Variants in PARD3 observed in about 807,000 individuals in gnomAD.
PARD3 encodes the protein par-3 family cell polarity regulator.
Under a neutral mutation model 155.4 loss-of-function variants are expected in PARD3, and 75 were observed. The observed-to-expected ratio is 0.48, with a 90% CI of 0.40 to 0.58. The LOEUF (loss-of-function observed/expected upper bound fraction) is 0.58. Ranked by LOEUF, PARD3 falls within the 20% of genes least tolerant of loss-of-function variation. The pLI, the probability that PARD3 is intolerant of heterozygous loss-of-function variation, is 0.00. For synonymous variants in PARD3, 576 were observed against 610.5 expected (o/e 0.94, Z 0.83); for missense variants, 1,642 against 1,721.7 (o/e 0.95, Z 0.82).
At chr10:34,176,341 A>C (rs1950031264) in intron 22 of PARD3, among the ~76,000 whole-genome samples, 1 of 143,236 alleles carries the variant, frequency 7.0e-6, no homozygotes, top group Non-Finnish European at 1.6e-5. Flanking sequence ...ATGTAACATT[A>C]TTAAGAAAAA....
chr10:34,753,433 A>C (rs1232987581), intron 1 of PARD3, among the ~76,000 whole-genome samples: 1 of 152,196 alleles, frequency 6.6e-6, no homozygotes, highest in Non-Finnish European at 1.5e-5. Context: ...CTAGACCACC[A>C]CAAATGAAGC....
intron 20 of PARD3, among the ~76,000 whole-genome samples, chr10:34,306,607 C>T (rs1313355212): frequency 3.3e-5 from 5 of 152,222 alleles, no homozygotes; most frequent in African/African-American, 9.6e-5. Context: ...TGAAATCGTG[C>T]CGTCGCACTC....
At chr10:34,727,604 G>A (rs553098624) in intron 1 of PARD3, among the ~76,000 whole-genome samples, 1 of 151,998 alleles carries the variant, frequency 6.6e-6, no homozygotes, top group East Asian at 1.9e-4. Flanking sequence ...AAAAAAAACA[G>A]TCCAAGTTTA....
chr10:34,141,035 T>C (rs1437434356), intron 22 of PARD3, among the ~76,000 whole-genome samples: 1 of 152,220 alleles, frequency 6.6e-6, no homozygotes, highest in Non-Finnish European at 1.5e-5. Flanking sequence ...GTTATAGTCT[T>C]TGCATTTTTC....
intron 2 of PARD3, among the ~76,000 whole-genome samples, chr10:34,545,113 G>A (rs560436239): frequency 2.6e-5 from 4 of 152,256 alleles, no homozygotes; most frequent in African/African-American, 4.8e-5. Context: ...CAAAAAATAG[G>A]AAGGGTGTTA....
At chr10:34,261,985 T>C (rs1955051947) in intron 22 of PARD3, among the ~76,000 whole-genome samples, 1 of 152,212 alleles carries the variant, frequency 6.6e-6, no homozygotes, top group African/African-American at 2.4e-5. Context: ...AAATGATAAA[T>C]TATTTCACAG....
chr10:34,606,192 GTGTGTGT>G lies in PARD3; in HGVS notation c.223-89040_223-89034del, dbSNP rs1188357399. ...TGTGTGTGTGTGTGTGTGTGTGTGT[GTGTGTGT>G]GTGTGTGTGTGTAGTTCTGTCCCTT... is the stretch of plus-strand genomic sequence containing the variant. On this transcript the variant is annotated intron_variant, in intron 2 of 24. Coordinates refer to ENST00000374788, the MANE Select transcript of PARD3 (RefSeq NM_001184785.2). Among the ~76,000 whole-genome samples the G allele has an allele frequency of 4.2e-3, 503 of 120,418 alleles. 4 individuals carry two copies. The highest frequency in any genetic ancestry group is 0.02 in the African/African-American group (480 of 23,436). 79.0% of individuals were successfully genotyped at this position (120,418 alleles called of 152,430 possible).
At chr10:34,798,514 G>A (rs1316481530) in intron 1 of PARD3, among the ~76,000 whole-genome samples, 1 of 151,962 alleles carries the variant, frequency 6.6e-6, no homozygotes, top group African/African-American at 2.4e-5. Flanking sequence ...AGACCACCCT[G>A]ACCAACATGG....
intron 22 of PARD3, among the ~76,000 whole-genome samples, chr10:34,132,120 T>C (rs1036083822): frequency 3.3e-5 from 5 of 152,222 alleles, no homozygotes; most frequent in African/African-American, 1.2e-4. Flanking sequence ...GGTTCCTATT[T>C]ATGAGTCATC....
chr10:34,791,608 G>C (rs1841623023), intron 1 of PARD3, among the ~76,000 whole-genome samples: 1 of 152,206 alleles, frequency 6.6e-6, no homozygotes, highest in African/African-American at 2.4e-5. Flanking sequence ...AGGTGTGGTA[G>C]TGAGCGCCTA....
intron 2 of PARD3, among the ~76,000 whole-genome samples, chr10:34,547,046 T>C (rs374030290): frequency 4.6e-5 from 7 of 152,210 alleles, no homozygotes; most frequent in Admixed American, 4.6e-4. Context: ...TGTTTGATAA[T>C]AAGAACACAG....
chr10:34,283,955 G>T (rs1589048987), intron 21 of PARD3, among the ~76,000 whole-genome samples, 180 bp downstream of exon 21: 2 of 141,594 alleles, frequency 1.4e-5, no homozygotes, highest in South Asian at 2.3e-4. Context: ...TACATATAAG[G>T]TTTTTTTTTT....
intron 22 of PARD3, among the ~76,000 whole-genome samples, chr10:34,253,225 T>C (rs143530943): frequency 1.3e-5 from 2 of 152,306 alleles, no homozygotes; most frequent in African/African-American, 2.4e-5. Flanking sequence ...TGTCTGTGTA[T>C]CTGAAATGGC....
chr10:34,444,808 T>A (rs985652210), intron 5 of PARD3, among the ~76,000 whole-genome samples: 2 of 152,208 alleles, frequency 1.3e-5, no homozygotes, highest in African/African-American at 4.8e-5. Context: ...AGGGGCCAGC[T>A]AGCTTAGCAC....
At chr10:34,796,526 T>TA (rs1842260554) in intron 1 of PARD3, among the ~76,000 whole-genome samples, 1 of 152,252 alleles carries the variant, frequency 6.6e-6, no homozygotes, top group African/African-American at 2.4e-5. Context: ...TTAAAATTCT[T>TA]ACATGGACAT....
At chr10:34,180,780 G>C (rs1432679186) in intron 22 of PARD3, among the ~76,000 whole-genome samples, 1 of 152,090 alleles carries the variant, frequency 6.6e-6, no homozygotes, top group Non-Finnish European at 1.5e-5. Flanking sequence ...CTCGTGTCTT[G>C]CTGGGAGGAG....
intron 14 of PARD3, among the ~76,000 whole-genome samples, chr10:34,348,406 C>T (rs1164388801): frequency 6.6e-6 from 1 of 152,034 alleles, no homozygotes; most frequent in African/African-American, 2.4e-5. Flanking sequence ...TTTATTTTTC[C>T]AATTTGACCG....
In PARD3 at chr10:34,696,081, T is replaced by TA. The variant is rs2094166250; in HGVS notation, c.222+236_222+237insT. On this transcript the variant is annotated intron_variant, in intron 2 of 24. Transcript: ENST00000374788. Reference sequence around the variant, plus strand: ...TGATATTTCCATTGTAAAAGTGTAGTTTTAAAACCCCAAAACCTAGTGTTA... The same window carrying TA: ...TGATATTTCCATTGTAAAAGTGTAGTATTTAAAACCCCAAAACCTAGTGTTA... Among the ~76,000 whole-genome samples, 3 of 152,222 alleles carry TA rather than the reference T, an allele frequency of 2.0e-5. No individual in the cohort carries two copies. In the South Asian group the frequency reaches 6.2e-4, roughly 32 times the overall value.
intron 22 of PARD3, among the ~76,000 whole-genome samples, chr10:34,249,684 T>C (rs1014942812): frequency 1.3e-5 from 2 of 152,188 alleles, no homozygotes; most frequent in Non-Finnish European, 2.9e-5. Flanking sequence ...CCACCCTGTA[T>C]GGTCTGTCTC....
Sources: gnomAD v4.1 joint callset for allele counts (sites outside exome capture counted in the v4.1 genomes callset) on GRCh38, gnomAD v4.1.1 for gene constraint, MANE v1.5 for transcripts, NCBI Gene and HGNC (gene_info 2026-07-23, HGNC 2026-07-21) for gene names.